The following ESRRG variants were observed in gnomAD, a reference collection of about 807,000 sequenced individuals.
ESRRG encodes estrogen-related receptor gamma.
Under a neutral mutation model 44.0 loss-of-function variants are expected in ESRRG, and 13 were observed. The ratio of observed to expected loss-of-function variants is 0.30; its 90% confidence interval spans 0.19 to 0.47. The LOEUF is 0.47. ESRRG is among the 20% of genes least tolerant of loss of function. The probability of loss-of-function intolerance (pLI) is 1.00; values close to 1 mark genes in which losing one functional copy is unlikely to be tolerated. For missense variants in ESRRG, 395 were observed against 580.6 expected, an observed-to-expected ratio of 0.68 and a Z score of 3.29; for synonymous variants, 215 against 214.6, an observed-to-expected ratio of 1.00 and a Z score of -0.02.
At chr1:216,671,373 G>A (rs1333096120) in intron 2 of ESRRG, among the ~76,000 whole-genome samples, 1 of 152,152 alleles carries the variant, frequency 6.6e-6, no homozygotes, top group Non-Finnish European at 1.5e-5. Context: ...GGGAGAGAGG[G>A]TTTACGATCA....
intron 5 of ESRRG, among the ~76,000 whole-genome samples, chr1:216,536,342 T>G (rs2050966270): frequency 6.6e-6 from 1 of 152,144 alleles, no homozygotes; most frequent in Non-Finnish European, 1.5e-5. Context: ...CTCATTTTCC[T>G]CCCAGACTTA....
chr1:217,128,465 A>G (rs1432298494), intron 1 of ESRRG, among the ~76,000 whole-genome samples: 1 of 152,216 alleles, frequency 6.6e-6, no homozygotes, highest in African/African-American at 2.4e-5. Context: ...AGAAACTGCT[A>G]AATTAGAAAC....
At chr1:216,703,389 C>T (rs559710095) in intron 1 of ESRRG, among the ~76,000 whole-genome samples, 1 of 152,182 alleles carries the variant, frequency 6.6e-6, no homozygotes, top group East Asian at 1.9e-4. Context: ...CCGTCCTGGG[C>T]CATATGTTGG....
intron 5 of ESRRG, among the ~76,000 whole-genome samples, chr1:216,563,911 T>C (rs1424948609): frequency 6.6e-6 from 1 of 152,154 alleles, no homozygotes; most frequent in Admixed American, 6.5e-5. Context: ...AAGTATTTGC[T>C]AGGAAAAAGG....
upstream of ESRRG, among the ~76,000 whole-genome samples, chr1:216,724,673 CA>C (rs1381085846): frequency 6.6e-6 from 1 of 151,734 alleles, no homozygotes. Flanking sequence ...CAAAAGTGTT[CA>C]AAAAAATAAA....
chr1:217,092,605 G>T (rs2092365094), upstream of ESRRG, among the ~76,000 whole-genome samples: 1 of 152,120 alleles, frequency 6.6e-6, no homozygotes, highest in Non-Finnish European at 1.5e-5. Flanking sequence ...GGTTCAGTCA[G>T]GCTGGTCACC....
At chr1:216,872,647 A>G (rs1464239049) in intron 2 of ESRRG, among the ~76,000 whole-genome samples, 1 of 152,028 alleles carries the variant, frequency 6.6e-6, no homozygotes, top group Non-Finnish European at 1.5e-5. Context: ...TAAAATTTCC[A>G]TTTGATTTTT....
At chr1:216,572,577 T>A (rs544260844) in intron 3 of ESRRG, among the ~76,000 whole-genome samples, 19 of 151,912 alleles carry the variant, frequency 1.3e-4, no homozygotes, top group East Asian at 7.7e-4. Flanking sequence ...AAAAAAAAAA[T>A]TTTAAAAATT....
chr1:216,698,034 C>A (rs75610138), intron 1 of ESRRG, among the ~76,000 whole-genome samples: 360 of 152,250 alleles, frequency 2.4e-3, no homozygotes, highest in African/African-American at 8.2e-3. Flanking sequence ...CCTCCGTTTG[C>A]CCCTAAGATG....
intron 2 of ESRRG, among the ~76,000 whole-genome samples, chr1:216,822,748 T>C (rs528743934): frequency 1.3e-5 from 2 of 152,208 alleles, no homozygotes; most frequent in Admixed American, 6.6e-5. Flanking sequence ...GCTCTTGAAC[T>C]TTAAATATCC....
intron 3 of ESRRG, among the ~76,000 whole-genome samples, chr1:216,627,337 C>T (rs1337044758): frequency 6.6e-6 from 1 of 152,198 alleles, no homozygotes; most frequent in Non-Finnish European, 1.5e-5. Context: ...ACCTCCCATG[C>T]ACCCCATTCC....
chr1:217,131,075 C>T (rs1431529229), intron 1 of ESRRG, among the ~76,000 whole-genome samples: 1 of 152,134 alleles, frequency 6.6e-6, no homozygotes. Context: ...CAATTAAAGG[C>T]AGATTCAGTT....
chr1:216,899,702 G>A (rs887453351), intron 2 of ESRRG, among the ~76,000 whole-genome samples: 14 of 152,192 alleles, frequency 9.2e-5, no homozygotes, highest in African/African-American at 1.7e-4. Flanking sequence ...GATCTCACAC[G>A]GCACATACAG....
At chr1:216,593,828 C>T (rs1280066616) in intron 3 of ESRRG, among the ~76,000 whole-genome samples, 7 of 152,132 alleles carry the variant, frequency 4.6e-5, no homozygotes, top group Admixed American at 2.0e-4. Flanking sequence ...CAGCCTCTGC[C>T]TCCTGGTCTC....
At position 217,104,237 on chromosome 1, in the gene ESRRG, T is replaced by G. The variant is rs573121699; in HGVS notation, c.-230+33430A>C. On this transcript the variant is annotated intron_variant, in intron 1 of 8. Coordinates refer to the ESRRG transcript ENST00000366940. ...TTGTAGCCCCTGTGAACAGCATGGG[T>G]GTGGACAGCACCTTGAGCTACTCAA... Among the ~76,000 whole-genome samples the G allele has an allele frequency of 3.9e-5, 6 of 152,236 alleles. No homozygotes were observed. The South Asian group carries it at 1.2e-3, about 32-fold the overall frequency.
At chr1:216,701,014 A>C (rs1218136262) in intron 1 of ESRRG, among the ~76,000 whole-genome samples, 1 of 152,172 alleles carries the variant, frequency 6.6e-6, no homozygotes, top group Non-Finnish European at 1.5e-5. Context: ...ACTCATTTCG[A>C]CTTCAGAATT....
chr1:216,858,693 GA>G (rs1425855646), intron 2 of ESRRG, among the ~76,000 whole-genome samples: 1 of 152,156 alleles, frequency 6.6e-6, no homozygotes, highest in Non-Finnish European at 1.5e-5. Flanking sequence ...TACAAATGAG[GA>G]AACTGAGGCC....
chr1:216,637,510 A>G (rs1000406250), intron 3 of ESRRG, among the ~76,000 whole-genome samples: 3 of 152,198 alleles, frequency 2.0e-5, no homozygotes, highest in Non-Finnish European at 2.9e-5. Flanking sequence ...ATGTGACTTA[A>G]AGGATATTTC....
chr1:217,018,633 G>A (rs982500386), intron 1 of ESRRG, among the ~76,000 whole-genome samples: 6 of 152,090 alleles, frequency 3.9e-5, no homozygotes, highest in Admixed American at 2.0e-4. Flanking sequence ...GAATATACAA[G>A]TCAATATACA....
Sources: gnomAD v4.1 joint callset for allele counts (sites outside exome capture counted in the v4.1 genomes callset) on GRCh38, gnomAD v4.1.1 for gene constraint, MANE v1.5 for transcripts, NCBI Gene and HGNC (gene_info 2026-07-23, HGNC 2026-07-21) for gene names.